ARK2C: variants seen among roughly 807,000 people sequenced by gnomAD.
ARK2C encodes the protein E3 ubiquitin-protein ligase ARK2C.
the ARK2C span, among the ~76,000 whole-genome samples, chr18:46,402,931 A>C: frequency 6.6e-6 from 1 of 152,220 alleles, no homozygotes; most frequent in Admixed American, 6.5e-5. Context: ...TGCTTCCTCT[A>C]GTCTCAACAC....
chr18:46,421,835 A>G, the ARK2C span, among the ~76,000 whole-genome samples: 1 of 152,174 alleles, frequency 6.6e-6, no homozygotes, highest in Non-Finnish European at 1.5e-5. Flanking sequence ...GCAGGAATTC[A>G]GTTCCTTGGA....
At chr18:46,342,285 C>T in the ARK2C span, among the ~76,000 whole-genome samples, 6 of 152,296 alleles carry the variant, frequency 3.9e-5, no homozygotes, top group South Asian at 2.1e-4. Flanking sequence ...GGCCTGCATA[C>T]GGCAAGGAGC....
At chr18:46,447,527 A>G in the ARK2C span, 1 of 1,613,238 alleles carries the variant, frequency 6.2e-7, no homozygotes, top group African/African-American at 1.3e-5. Flanking sequence ...GCTAAATCAC[A>G]CCACCCTATG....
the ARK2C span, among the ~76,000 whole-genome samples, chr18:46,354,605 G>A: frequency 1.3e-5 from 2 of 152,230 alleles, no homozygotes; most frequent in Non-Finnish European, 2.9e-5. Flanking sequence ...TTCAAAGACT[G>A]TACCTTCCCT....
At chr18:46,418,375 G>A in the ARK2C span, among the ~76,000 whole-genome samples, 2 of 152,024 alleles carry the variant, frequency 1.3e-5, no homozygotes, top group Non-Finnish European at 2.9e-5. Flanking sequence ...AGGTGAAAAT[G>A]GGAAATCAAT....
At chr18:46,456,091 G>T in the ARK2C span, 2 of 1,524,272 alleles carry the variant, frequency 1.3e-6, no homozygotes, top group Admixed American at 1.7e-5. Flanking sequence ...GTAGGAGACC[G>T]CCATTTTGAT....
At chr18:46,411,404 A>G in the ARK2C span, among the ~76,000 whole-genome samples, 1 of 152,222 alleles carries the variant, frequency 6.6e-6, no homozygotes, top group Non-Finnish European at 1.5e-5. Flanking sequence ...AATAGGACGT[A>G]TGCTCTGAGT....
the ARK2C span, chr18:46,337,064 G>C: frequency 5.1e-6 from 5 of 985,272 alleles, no homozygotes; most frequent in Non-Finnish European, 6.0e-6. Flanking sequence ...TTTAACAGCC[G>C]GCTCCCTTCT....
the ARK2C span, among the ~76,000 whole-genome samples, chr18:46,361,129 T>A: frequency 9.8e-4 from 149 of 152,250 alleles, no homozygotes; most frequent in Non-Finnish European, 1.6e-3. Flanking sequence ...TGTAAAAAAA[T>A]TTTTTTAACC....
At chr18:46,433,631 G>C in the ARK2C span, 3 of 836,552 alleles carry the variant, frequency 3.6e-6, no homozygotes, top group African/African-American at 5.2e-5. Context: ...CGGGGCTACA[G>C]GCTCCTAGAC....
At chr18:46,375,148 C>G in the ARK2C span, among the ~76,000 whole-genome samples, 2 of 152,188 alleles carry the variant, frequency 1.3e-5, no homozygotes, top group African/African-American at 4.8e-5. Flanking sequence ...CAACTCCCCC[C>G]GCCCTCAGAG....
chr18:46,360,292 G>T, the ARK2C span, among the ~76,000 whole-genome samples: 1 of 152,138 alleles, frequency 6.6e-6, no homozygotes, highest in African/African-American at 2.4e-5. Flanking sequence ...CAGAGGCGGG[G>T]TATCATGTGT....
the ARK2C span, among the ~76,000 whole-genome samples, chr18:46,393,791 T>C: frequency 2.6e-5 from 4 of 152,272 alleles, no homozygotes; most frequent in African/African-American, 9.6e-5. Context: ...TTGGAGAGCC[T>C]GGCAGGTCAT....
At chr18:46,436,409 A>ATGCT in the ARK2C span, among the ~76,000 whole-genome samples, 6 of 152,156 alleles carry the variant, frequency 3.9e-5, no homozygotes. Flanking sequence ...GGAATTCTTT[A>ATGCT]TGCTGTTCTT....
chr18:46,441,044 G>A, the ARK2C span, among the ~76,000 whole-genome samples: 3 of 152,048 alleles, frequency 2.0e-5, no homozygotes, highest in Admixed American at 2.0e-4. Context: ...ACCCAGGCTG[G>A]AGTGCACCTT....
At chr18:46,416,416 C>G in the ARK2C span, among the ~76,000 whole-genome samples, 2 of 152,240 alleles carry the variant, frequency 1.3e-5, no homozygotes, top group Admixed American at 1.3e-4. Flanking sequence ...GCATCCAGCC[C>G]TGTCCTGAGG....
the ARK2C span, among the ~76,000 whole-genome samples, chr18:46,407,001 A>G: frequency 2.6e-5 from 4 of 152,224 alleles, no homozygotes; most frequent in Non-Finnish European, 5.9e-5. Context: ...ATGACTATTT[A>G]TGGTGCTTTT....
chr18:46,458,306 C>T, the ARK2C span: 2 of 152,594 alleles, frequency 1.3e-5, no homozygotes, highest in Non-Finnish European at 2.9e-5. Context: ...CAAATTCCAA[C>T]CCAAACCCAA....
At chr18:46,439,663 A>G in the ARK2C span, among the ~76,000 whole-genome samples, 332 of 152,220 alleles carry the variant, frequency 2.2e-3, 2 homozygotes, top group Middle Eastern at 0.01. Flanking sequence ...AAACTTGGAG[A>G]TAGTGGATGT....
Sources: allele counts gnomAD v4.1 joint callset (sites outside exome capture counted in the v4.1 genomes callset), GRCh38; gene constraint gnomAD v4.1.1; transcripts MANE v1.5; gene names NCBI Gene and HGNC (gene_info 2026-07-23, HGNC 2026-07-21).